CDH4: variants seen among roughly 807,000 people sequenced by gnomAD.
CDH4 encodes the protein cadherin 4.
In CDH4, 33 loss-of-function variants were observed where a neutral mutation model predicts 86.0. The ratio of observed to expected loss-of-function variants is 0.38; its 90% confidence interval spans 0.29 to 0.51. CDH4 has a LOEUF of 0.51. Among genes scored for constraint, CDH4 ranks in the 20% least tolerant of loss-of-function variants. The pLI, the probability that CDH4 is intolerant of heterozygous loss-of-function variation, is 0.86. For synonymous variants in CDH4, 555 were observed against 549.4 expected (o/e 1.01, Z -0.14); for missense variants, 1,114 against 1,307.4 (o/e 0.85, Z 2.28).
intron 2 of CDH4, among the ~76,000 whole-genome samples, chr20:61,439,424 G>T (rs1179931334): frequency 6.6e-6 from 1 of 152,198 alleles, no homozygotes; most frequent in Non-Finnish European, 1.5e-5. Context: ...TGGGGTTAAG[G>T]CTGGCATCAT....
At chr20:61,690,915 G>A (rs1002237863) in intron 2 of CDH4, among the ~76,000 whole-genome samples, 2 of 152,202 alleles carry the variant, frequency 1.3e-5, no homozygotes, top group Non-Finnish European at 2.9e-5. Context: ...GTCCTGAGAG[G>A]GGCACACTTG....
intron 2 of CDH4, among the ~76,000 whole-genome samples, chr20:61,332,133 T>A (rs2084585065): frequency 6.6e-6 from 1 of 151,756 alleles, no homozygotes; most frequent in Non-Finnish European, 1.5e-5. Flanking sequence ...AAGAGGAGGG[T>A]CCTTCTCAGT....
At chr20:61,780,373 G>A (rs553688730) in intron 4 of CDH4, among the ~76,000 whole-genome samples, 7 of 152,244 alleles carry the variant, frequency 4.6e-5, no homozygotes, top group Non-Finnish European at 7.4e-5. Flanking sequence ...CTTCCCAAGG[G>A]GCCAGGGCAC....
intron 2 of CDH4, among the ~76,000 whole-genome samples, chr20:61,425,098 T>G (rs975513777): frequency 6.6e-6 from 1 of 152,098 alleles, no homozygotes; most frequent in Non-Finnish European, 1.5e-5. Context: ...ACTGCTCTGG[T>G]GAAGGATCCC....
intron 2 of CDH4, among the ~76,000 whole-genome samples, chr20:61,495,659 T>G (rs1361591809): frequency 6.6e-6 from 1 of 151,980 alleles, no homozygotes; most frequent in African/African-American, 2.4e-5. Flanking sequence ...TCCCAGCACT[T>G]TGGGAGGCTG....
rs2298163 is a variant in CDH4, at chr20:61,929,909, G to A, written c.2239+67G>A. ...GTATGAGTGCCCTGTCCCAGGCATG[G>A]TGGGCAGAGGGGGGCCTGGATTTGC... On this transcript the variant is annotated intron_variant, in intron 13 of 15. Transcript: ENST00000614565. 4 of 1,297,680 alleles carry A rather than the reference G, an allele frequency of 3.1e-6. No homozygotes were observed. In the African/African-American group the frequency reaches 5.8e-5, roughly 19 times the overall value. The allele number at this position is 1,297,680 out of a possible 1,614,324, so 80.4% of individuals were successfully genotyped here.
chr20:61,258,171 T>C (rs1232115028), intron 2 of CDH4, among the ~76,000 whole-genome samples: 1 of 151,128 alleles, frequency 6.6e-6, no homozygotes, highest in Non-Finnish European at 1.5e-5. Flanking sequence ...CTACTAAAAA[T>C]ACAAAAAAAT....
At chr20:61,364,123 C>T (rs568056945) in intron 2 of CDH4, among the ~76,000 whole-genome samples, 5 of 152,194 alleles carry the variant, frequency 3.3e-5, no homozygotes, top group Non-Finnish European at 7.4e-5. Context: ...AAAGGCCTGG[C>T]ACCTTGTCCA....
At chr20:61,568,370 T>A (rs2086316099) in intron 2 of CDH4, among the ~76,000 whole-genome samples, 1 of 152,228 alleles carries the variant, frequency 6.6e-6, no homozygotes, top group Admixed American at 6.5e-5. Context: ...ACACTCATTC[T>A]CCTTGCTGCC....
At chr20:61,595,257 C>G (rs2086548192) in intron 2 of CDH4, among the ~76,000 whole-genome samples, 1 of 152,256 alleles carries the variant, frequency 6.6e-6, no homozygotes, top group South Asian at 2.1e-4. Context: ...GAGCCAAGCC[C>G]TGCTGTGACC....
At chr20:61,499,589 A>G in intron 2 of CDH4, 1 of 1,135,952 alleles carries the variant, frequency 8.8e-7, no homozygotes, top group Non-Finnish European at 1.2e-6. Context: ...CTGAGGTCAC[A>G]CAGGGAGGAG....
chr20:61,487,481 G>A (rs971230742), intron 2 of CDH4, among the ~76,000 whole-genome samples: 3 of 152,158 alleles, frequency 2.0e-5, no homozygotes, highest in Non-Finnish European at 4.4e-5. Context: ...AGTACCATGA[G>A]CTTCAGCCTC....
intron 2 of CDH4, among the ~76,000 whole-genome samples, chr20:61,547,229 C>G (rs1025602785): frequency 8.4e-6 from 1 of 118,978 alleles, no homozygotes; most frequent in Non-Finnish European, 1.7e-5. Flanking sequence ...TTTTTGCCCC[C>G]TGAGACGGAG....
At chr20:61,515,729 G>A (rs1051119400) in intron 2 of CDH4, among the ~76,000 whole-genome samples, 2 of 152,222 alleles carry the variant, frequency 1.3e-5, no homozygotes, top group Non-Finnish European at 2.9e-5. Flanking sequence ...TTTTAGCTAC[G>A]ACTGGGAAGG....
intron 4 of CDH4, among the ~76,000 whole-genome samples, chr20:61,799,217 G>A (rs572529762): frequency 2.8e-4 from 43 of 152,294 alleles, no homozygotes; most frequent in East Asian, 1.7e-3. Context: ...AGGAAATTAC[G>A]TGTGGAAAGC....
intron 4 of CDH4, among the ~76,000 whole-genome samples, chr20:61,787,691 C>G (rs369856276): frequency 6.6e-6 from 1 of 152,224 alleles, no homozygotes; most frequent in South Asian, 2.1e-4. Context: ...TAGTTACAGT[C>G]TGGGAACCAG....
At chr20:61,597,850 G>A (rs766503854) in intron 2 of CDH4, among the ~76,000 whole-genome samples, 4 of 152,224 alleles carry the variant, frequency 2.6e-5, no homozygotes, top group South Asian at 2.1e-4. Flanking sequence ...AGATGCAGCC[G>A]GGCGTGGAGT....
At chr20:61,721,910 G>A (rs955131157) in intron 2 of CDH4, among the ~76,000 whole-genome samples, 1 of 152,148 alleles carries the variant, frequency 6.6e-6, no homozygotes. Flanking sequence ...AGGCTCCATG[G>A]CCCACACTCT....
chr20:61,679,876 T>C (rs6061727), intron 2 of CDH4, among the ~76,000 whole-genome samples: 144,609 of 152,286 alleles, frequency 0.95, 68,723 homozygotes, highest in Middle Eastern at 0.99. Flanking sequence ...CTGGGTGGAC[T>C]TCCAAGGCTC....
Sources: gnomAD v4.1 joint callset for allele counts (sites outside exome capture counted in the v4.1 genomes callset) on GRCh38, gnomAD v4.1.1 for gene constraint, MANE v1.5 for transcripts, NCBI Gene and HGNC (gene_info 2026-07-23, HGNC 2026-07-21) for gene names.